Variants in ARHGAP26 observed in about 807,000 individuals in gnomAD.
ARHGAP26 encodes the protein rho GTPase-activating protein 26.
Under a neutral mutation model 104.8 loss-of-function variants are expected in ARHGAP26, and 38 were observed. The observed-to-expected ratio is 0.36, with a 90% confidence interval of 0.28 to 0.48. The LOEUF is 0.48. Among genes scored for constraint, ARHGAP26 ranks in the 20% least tolerant of loss-of-function variants. The pLI is 0.99. For missense variants in ARHGAP26, 704 were observed against 947.9 expected, an observed-to-expected ratio of 0.74 and a Z score of 3.38; for synonymous variants, 341 against 340.0, an observed-to-expected ratio of 1.00 and a Z score of -0.03.
chr5:143,223,515 C>T lies in ARHGAP26; in HGVS notation c.*1069C>T, dbSNP rs544624220. 4.7e-5 allele frequency: 11 copies of T among 231,948 alleles called. No homozygotes were observed. Among genetic ancestry groups the T allele is most frequent in the South Asian group, 1.8e-4 (1 of 5,518 alleles). 14.4% of individuals were successfully genotyped at this position (231,948 alleles called of 1,614,324 possible). ...GGGTGATGCCATCTGACTGGTTTCC[C>T]CATGTCCTCCCATTCACCCATCTCT... On this transcript the variant is annotated 3_prime_UTR_variant, in exon 23 of 23. Transcript: ENST00000645722.
intron 5 of ARHGAP26, among the ~76,000 whole-genome samples, chr5:142,890,234 T>G (rs1452998064): frequency 7.3e-6 from 1 of 136,210 alleles, no homozygotes; most frequent in Admixed American, 7.6e-5. Flanking sequence ...AAATGTGTGT[T>G]TATTGAGTCA....
chr5:143,177,416 G>A (rs1031171660), intron 20 of ARHGAP26, among the ~76,000 whole-genome samples: 1 of 152,194 alleles, frequency 6.6e-6, no homozygotes, highest in African/African-American at 2.4e-5. Context: ...AGTGAAAACA[G>A]GACTCATCGA....
intron 1 of ARHGAP26, among the ~76,000 whole-genome samples, chr5:142,782,486 G>A (rs1204631207): frequency 6.6e-6 from 1 of 152,160 alleles, no homozygotes; most frequent in Non-Finnish European, 1.5e-5. Flanking sequence ...GTCTGGGCAT[G>A]GGACATTTTA....
intron 17 of ARHGAP26, among the ~76,000 whole-genome samples, chr5:143,117,489 C>G (rs1277218386): frequency 6.6e-6 from 1 of 152,124 alleles, no homozygotes; most frequent in Admixed American, 6.5e-5. Flanking sequence ...CAATTTATTA[C>G]TTCAGTGTGC....
At chr5:142,971,694 A>G (rs1397289914) in intron 11 of ARHGAP26, among the ~76,000 whole-genome samples, 1 of 152,152 alleles carries the variant, frequency 6.6e-6, no homozygotes, top group Admixed American at 6.5e-5. Context: ...CTATGAAGGT[A>G]GACACAATTA....
In ARHGAP26 at chr5:143,222,617, A is replaced by T; in HGVS notation, c.*171A>T. On this transcript the variant is annotated 3_prime_UTR_variant, in exon 23 of 23. Transcript: ENST00000645722. ...TCTGGTGTCACTCATCTCCATGATC[A>T]TCTCAGCCAACATGCATCAGTACTG... 1 of 473,718 alleles carries T rather than the reference A, an allele frequency of 2.1e-6. No individual in the cohort carries two copies. Among genetic ancestry groups the T allele is most frequent in the Non-Finnish European group, 3.7e-6 (1 of 267,118 alleles). 29.3% of individuals were successfully genotyped at this position (473,718 alleles called of 1,614,324 possible). A position where few individuals can be genotyped will look rare whatever the true frequency, so the allele number is the denominator to read the frequency against.
chr5:143,222,792 G>T lies in ARHGAP26; in HGVS notation c.*346G>T. 1 of 246,366 alleles carries T rather than the reference G, an allele frequency of 4.1e-6. No individual in the cohort carries two copies. Among genetic ancestry groups the T allele is most frequent in the Non-Finnish European group, 7.9e-6 (1 of 126,804 alleles). 15.3% of individuals were successfully genotyped at this position (246,366 alleles called of 1,614,324 possible). On this transcript the variant is annotated 3_prime_UTR_variant, in exon 23 of 23. Coordinates refer to ENST00000645722, the MANE Select transcript of ARHGAP26 (RefSeq NM_001135608.3). ...ACCTTCAGAAAGAGGAAGTCAGATA[G>T]AAATAGTCCCTGAGAGCACACTGTG...
chr5:143,140,182 G>A (rs1020480388), intron 19 of ARHGAP26, among the ~76,000 whole-genome samples: 4 of 152,190 alleles, frequency 2.6e-5, no homozygotes, highest in African/African-American at 9.7e-5. Context: ...TGATACTGAT[G>A]CTAACTCAAT....
At chr5:142,850,317 A>T (rs1246788415) in intron 1 of ARHGAP26, among the ~76,000 whole-genome samples, 1 of 152,208 alleles carries the variant, frequency 6.6e-6, no homozygotes, top group East Asian at 1.9e-4. Context: ...CCTTAGAGGA[A>T]CATCATCCTT....
chr5:143,005,459 A>G (rs1225701115), intron 11 of ARHGAP26, among the ~76,000 whole-genome samples: 1 of 152,368 alleles, frequency 6.6e-6, no homozygotes, highest in Middle Eastern at 3.4e-3. Context: ...AGTCTGGATC[A>G]CATGCAACAA....
intron 11 of ARHGAP26, among the ~76,000 whole-genome samples, chr5:142,970,091 G>A (rs1357583653): frequency 6.6e-6 from 1 of 152,224 alleles, no homozygotes; most frequent in Non-Finnish European, 1.5e-5. Context: ...ATGTTAAGCA[G>A]ATGAACAGGG....
chr5:142,874,889 A>C (rs1037253261), intron 2 of ARHGAP26: 11 of 531,410 alleles, frequency 2.1e-5, no homozygotes, highest in African/African-American at 1.9e-4. Flanking sequence ...TCCTTGAAGA[A>C]ATCATTCCCT....
intron 12 of ARHGAP26, among the ~76,000 whole-genome samples, chr5:143,024,378 A>G (rs1232315017): frequency 6.6e-6 from 1 of 151,992 alleles, no homozygotes; most frequent in Non-Finnish European, 1.5e-5. Flanking sequence ...GCCATGGCCT[A>G]ATATTCCCCT....
At chr5:142,772,719 C>A in intron 1 of ARHGAP26, 1 of 532,042 alleles carries the variant, frequency 1.9e-6, no homozygotes, top group Non-Finnish European at 3.9e-6. Flanking sequence ...CTGGTTTGAG[C>A]CAGAGATGGA....
At chr5:143,168,122 C>G (rs1425620104) in intron 20 of ARHGAP26, among the ~76,000 whole-genome samples, 1 of 152,160 alleles carries the variant, frequency 6.6e-6, no homozygotes, top group African/African-American at 2.4e-5. Flanking sequence ...TGGATTTAGA[C>G]AGCAAACAGT....
chr5:142,838,281 G>T (rs990263097), intron 1 of ARHGAP26, among the ~76,000 whole-genome samples: 17 of 151,898 alleles, frequency 1.1e-4, no homozygotes, highest in African/African-American at 4.1e-4. Flanking sequence ...AAAAGTTAAG[G>T]GTAAAATATT....
In ARHGAP26 at chr5:142,854,584, G is replaced by A. The variant is rs937182247; in HGVS notation, c.155-18816G>A. Among the ~76,000 whole-genome samples, 12 of 152,334 alleles carry A rather than the reference G, an allele frequency of 7.9e-5. No individual in the cohort carries two copies. In the East Asian group the frequency reaches 2.1e-3, roughly 27 times the overall value. On this transcript the variant is annotated intron_variant, in intron 1 of 22. Transcript: ENST00000645722. ...ACACTGTTATAATATATGGCCCTGAGTTGGAAGCAAAGGAAACTTGACTTG... is the reference window on the plus strand; with the variant it reads ...ACACTGTTATAATATATGGCCCTGAATTGGAAGCAAAGGAAACTTGACTTG...
intron 1 of ARHGAP26, chr5:142,771,363 C>G (rs1038605167): frequency 8.9e-6 from 11 of 1,231,986 alleles, no homozygotes; most frequent in Admixed American, 4.2e-5. Flanking sequence ...GCGCTGCCTC[C>G]CCTTGGGAAA....
rs1465700081 is a variant in ARHGAP26, at chr5:142,903,680, T to C, written c.832+11T>C. 1 of 1,612,538 alleles carries C rather than the reference T, an allele frequency of 6.2e-7. No homozygotes were observed. Among genetic ancestry groups the C allele is most frequent in the African/African-American group, 1.3e-5 (1 of 74,980 alleles). On this transcript the variant is annotated intron_variant, in intron 8 of 22. Coordinates refer to ENST00000645722, the MANE Select transcript of ARHGAP26 (RefSeq NM_001135608.3). Reference sequence around the variant, plus strand: ...ACGTGCAGGAGAAACGTGAGTGCTTTGACTAGCAACAGCTTGGGATGTACT... The same window carrying C: ...ACGTGCAGGAGAAACGTGAGTGCTTCGACTAGCAACAGCTTGGGATGTACT...
Sources: allele counts gnomAD v4.1 joint callset (sites outside exome capture counted in the v4.1 genomes callset), GRCh38; gene constraint gnomAD v4.1.1; transcripts MANE v1.5; gene names NCBI Gene and HGNC (gene_info 2026-07-23, HGNC 2026-07-21).